The following CDHR5 variants were observed in gnomAD, a reference collection of about 807,000 sequenced individuals.
CDHR5 encodes cadherin-related family member 5.
CDHR5 carries 82 observed loss-of-function variants against 69.5 expected under a neutral mutation model. The ratio of observed to expected loss-of-function variants is 1.18; its 90% CI spans 0.99 to 1.42. The LOEUF is 1.42. CDHR5 is among the 40% of genes most tolerant of loss of function. The pLI, the probability that CDHR5 is intolerant of heterozygous loss-of-function variation, is 0.00. For missense variants in CDHR5, 1,293 were observed against 1,168.9 expected (o/e 1.11, Z -1.55); for synonymous variants, 601 against 510.2 (o/e 1.18, Z -2.40).
chr11:617,227 C>T lies in CDHR5; in HGVS notation c.*124G>A, dbSNP rs191491376. ...TGAGTGAATGGGACCCCCATGGACC[C>T]GCGCGCCTGCCCCACGCCATGGCCT... On this transcript the variant is annotated 3_prime_UTR_variant, in exon 15 of 15. Coordinates refer to ENST00000397542, the MANE Select transcript of CDHR5 (RefSeq NM_021924.5). The T allele has an allele frequency of 1.4e-4, 103 of 729,488 alleles. 1 individual carries two copies. In the South Asian group the frequency reaches 1.4e-3, roughly 10 times the overall value. 45.2% of individuals were successfully genotyped at this position (729,488 alleles called of 1,614,324 possible). A position where few individuals can be genotyped will look rare whatever the true frequency, so the allele number is the denominator to read the frequency against.
Position 624,360 on chromosome 11 carries a change from G to T in CDHR5, c.262-97C>A. ...CGCTGGCCCAGGGTCCCCATCATCA[G>T]TGGTCAGTGCTGAGGGTGTGGGCCC... On this transcript the variant is annotated intron_variant, in intron 2 of 14. Transcript: ENST00000397542. The surrounding 1 kb of genome is among the most constrained non-coding windows in gnomAD (Gnocchi z 5.3). 1.4e-6 allele frequency: 1 copy of T among 735,346 alleles called. No homozygotes were observed. Among genetic ancestry groups the T allele is most frequent in the Non-Finnish European group, 2.5e-6 (1 of 399,776 alleles). The allele number at this position is 735,346 out of a possible 1,614,324, so 45.6% of individuals were successfully genotyped here. A position where few individuals can be genotyped will look rare whatever the true frequency, so the allele number is the denominator to read the frequency against.
Position 619,126 on chromosome 11 carries a change from G to T in CDHR5, c.1433C>A (p.Thr478Asn), listed in dbSNP as rs1159215056. 3 of 1,593,398 alleles carry T rather than the reference G, an allele frequency of 1.9e-6. No individual in the cohort carries two copies. Among genetic ancestry groups the T allele is most frequent in the Non-Finnish European group, 2.6e-6 (3 of 1,171,882 alleles). The change falls in exon 13 of 15, where the codon ACT (threonine) becomes AAT (asparagine). Residue 478 changes from threonine to asparagine, a missense_variant. Transcript: ENST00000397542. ...CTCAGGGGGTCTGGGGACCTCGGAAGTGGTGCTGGTCCAGGGCCCAGTTGT... is the reference window on the plus strand; with the variant it reads ...CTCAGGGGGTCTGGGGACCTCGGAATTGGTGCTGGTCCAGGGCCCAGTTGT... ...GGTTGPWTST[T>N]SEVPRPPEPS...
rs1211399099 is a variant in CDHR5 at position 624,039 on chromosome 11, G to A, written c.312+174C>T. Reference sequence around the variant, plus strand: ...TGCTGGACAAGGGGTCAGTGACGGGGACTCCACAGCTCAGGGCAGAGTCTG... The same window carrying A: ...TGCTGGACAAGGGGTCAGTGACGGGAACTCCACAGCTCAGGGCAGAGTCTG... On this transcript the variant is annotated intron_variant, in intron 3 of 14. Transcript: ENST00000397542. The surrounding 1 kb of genome is among the most constrained non-coding windows in gnomAD (Gnocchi z 5.3). Among the ~76,000 whole-genome samples the A allele has an allele frequency of 1.3e-5, 2 of 152,102 alleles. No individual in the cohort carries two copies. Among genetic ancestry groups the A allele is most frequent in the Non-Finnish European group, 2.9e-5 (2 of 67,998 alleles).
At chr11:620,676 G>A (rs1857321218) in intron 7 of CDHR5, among the ~76,000 whole-genome samples, 1 of 152,164 alleles carries the variant, frequency 6.6e-6, no homozygotes, top group South Asian at 2.1e-4. Flanking sequence ...GGGGGCTCCC[G>A]GGGTCTGCAT....
At chr11:620,981 T>TGAACCC in intron 7 of CDHR5, 99 bp downstream of exon 7, 1 of 376,990 alleles carries the variant, frequency 2.7e-6, no homozygotes, top group Non-Finnish European at 5.0e-6. Context: ...CCCCACCCCC[T>TGAACCC]GACCCCGACC....
rs753305678 is a variant in CDHR5, at chr11:619,187, G to A, written c.1379-7C>T. 1 of 1,512,826 alleles carries A rather than the reference G, an allele frequency of 6.6e-7. No individual in the cohort carries two copies. 93.7% of individuals were successfully genotyped at this position (1,512,826 alleles called of 1,614,324 possible). A position where few individuals can be genotyped will look rare whatever the true frequency, so the allele number is the denominator to read the frequency against. ...TCTGGGGATGGGGGGACATCTGGGG[G>A]CCGGGAACAGTGCTTGGGCTTGCCT... On this transcript the variant is annotated splice_polypyrimidine_tract_variant and splice_region_variant and intron_variant, in intron 12 of 14. Coordinates refer to ENST00000397542, the MANE Select transcript of CDHR5 (RefSeq NM_021924.5).
chr11:620,456 C>T lies in CDHR5; in HGVS notation c.790-70G>A, dbSNP rs1857307143. 2.7e-6 allele frequency: 3 copies of T among 1,125,902 alleles called. No homozygotes were observed. The South Asian group carries it at 4.4e-5, about 17-fold the overall frequency. The allele number at this position is 1,125,902 out of a possible 1,614,324, so 69.7% of individuals were successfully genotyped here. On this transcript the variant is annotated intron_variant, in intron 7 of 14. Coordinates refer to ENST00000397542, the MANE Select transcript of CDHR5 (RefSeq NM_021924.5). ...GATGGCCCCAGCCTGGCCCCTCTGA[C>T]TCCCCATCAAGGGCAGGGTTGGCTG...
chr11:619,055 G>T lies in CDHR5; in HGVS notation c.1504C>A (p.Pro502Thr). Reference sequence around the variant, plus strand: ...AGAGTTGTGCCAGAGGGTGGATGAGGGCCTGTGCCTCCCCCAGAGCTGGTC... The same window carrying T: ...AGAGTTGTGCCAGAGGGTGGATGAGTGCCTGTGCCTCCCCCAGAGCTGGTC... Reference protein sequence around the residue: ...STTSSGGGTGPHPPSGTTLRP... With the variant: ...STTSSGGGTGTHPPSGTTLRP... The change falls in exon 13 of 15, where the codon CCT becomes ACT. Residue 502 changes from proline to threonine, a missense_variant. Coordinates refer to ENST00000397542, the MANE Select transcript of CDHR5 (RefSeq NM_021924.5). 6.2e-7 allele frequency: 1 copy of T among 1,613,130 alleles called. No individual in the cohort carries two copies. Among genetic ancestry groups the T allele is most frequent in the Non-Finnish European group, 8.5e-7 (1 of 1,179,794 alleles).
chr11:619,824 C>T lies in CDHR5; in HGVS notation c.1036G>A (p.Ala346Thr). The T allele has an allele frequency of 1.3e-6, 2 of 1,573,310 alleles. No homozygotes were observed. Among genetic ancestry groups the T allele is most frequent in the Non-Finnish European group, 1.7e-6 (2 of 1,163,592 alleles). The change falls in exon 10 of 15, where the codon GCT (alanine) becomes ACT (threonine). Residue 346 changes from alanine (A) to threonine (T), a missense_variant. Ala to Thr is a moderately conservative substitution (Grantham distance 58, BLOSUM62 0). Coordinates refer to ENST00000397542, the MANE Select transcript of CDHR5 (RefSeq NM_021924.5). ...AAGCGGGGCGGGCTCCCGGCCGCAG[C>T]CACAGCCTCCACGGTGACCTGGGTC... The part of the protein sequence containing the change: ...SVTQVTVEAV[A>T]AAGSPPRFPQ...
rs780034304 is a variant in CDHR5 at position 618,009 on chromosome 11, A to G, written c.2063T>C (p.Val688Ala). ...GGGGCCATAGTGCTTGTGGACAAGG[A>G]CGGCGAGGCCAAGGAGAGCCAGCAG... Reference protein sequence around the residue: ...LLLLALLGLAVLVHKHYGPRL... With the variant: ...LLLLALLGLAALVHKHYGPRL... Residue 688 changes from valine to alanine, a missense_variant, in exon 14 of 15, where the codon GTC (valine) becomes GCC (alanine). Transcript: ENST00000397542. The G allele has an allele frequency of 6.2e-7, 1 of 1,612,256 alleles. No homozygotes were observed. Among genetic ancestry groups the G allele is most frequent in the South Asian group, 1.1e-5 (1 of 90,968 alleles).
intron 3 of CDHR5, 103 bp from the exon 4 acceptor site, chr11:622,007 C>T (rs962581915): frequency 1.5e-5 from 13 of 845,044 alleles, no homozygotes; most frequent in South Asian, 4.8e-5. Flanking sequence ...CACCCCTCAA[C>T]GGCCACCTGT....
chr11:619,802 CG>C lies in CDHR5; in HGVS notation c.1057del (p.Arg353AlafsTer31), dbSNP rs749853412. On this transcript the variant is annotated frameshift_variant, in exon 10 of 15. Transcript: ENST00000397542. LOFTEE classifies it high-confidence loss of function. ...EAVAAAGSPPRFPQRLYRGTV... is the reference protein window; with the variant it reads ...EAVAAAGSPPXFPQRLYRGTV... ...GCCACGATACAGTCTCTGGGGGAAGCGGGGCGGGCTCCCGGCCGCAGCCACA... is the reference window on the plus strand; with the variant it reads ...GCCACGATACAGTCTCTGGGGGAAGCGGGCGGGCTCCCGGCCGCAGCCACA... The C allele has an allele frequency of 7.5e-6, 12 of 1,599,530 alleles. No individual in the cohort carries two copies. The South Asian group carries it at 1.2e-4, about 16-fold the overall frequency.
At chr11:622,513 A>T (rs1476589182) in intron 3 of CDHR5, among the ~76,000 whole-genome samples, 1 of 150,016 alleles carries the variant, frequency 6.7e-6, no homozygotes, top group South Asian at 2.1e-4. Flanking sequence ...AGGCTGGAGT[A>T]CAGTGGTGTG....
intron 7 of CDHR5, among the ~76,000 whole-genome samples, chr11:620,640 G>A (rs1857318440): frequency 6.6e-6 from 1 of 152,202 alleles, no homozygotes; most frequent in Non-Finnish European, 1.5e-5. Flanking sequence ...GGCTTGTCTT[G>A]ACGGGTAAGC....
chr11:618,919 G>T lies in CDHR5; in HGVS notation c.1640C>A (p.Thr547Asn). 6.2e-7 allele frequency: 1 copy of T among 1,609,088 alleles called. No individual in the cohort carries two copies. The highest frequency in any genetic ancestry group is 1.3e-5 in the African/African-American group (1 of 74,704). Residue 547 changes from threonine to asparagine, a missense_variant, in exon 13 of 15, where the codon ACC becomes AAC. Thr to Asn is a moderately conservative substitution (Grantham distance 65). Transcript: ENST00000397542. ...GDTAQTPKPGTSQPMPPGVGT... is the reference protein window; with the variant it reads ...GDTAQTPKPGNSQPMPPGVGT... The stretch of plus-strand genomic sequence containing the variant: ...CACACCGGGGGGCATCGGCTGAGAG[G>T]TTCCTGGCTTTGGGGTCTGTGCTGT...
In CDHR5 at chr11:621,490, CT is replaced by C. The variant is rs144293444; in HGVS notation, c.508-36del. The C allele has an allele frequency of 3.0e-3, 4,737 of 1,602,014 alleles. 127 individuals are homozygous for C. In the African/African-American group the frequency reaches 0.055, roughly 19 times the overall value. ...GTCAGGGAGGACAGAGCCTAAGAGC[CT>C]TGGAGGGCGAGGGCGGCTGTGGGTG... On this transcript the variant is annotated intron_variant, in intron 5 of 14. Coordinates refer to ENST00000397542, the MANE Select transcript of CDHR5 (RefSeq NM_021924.5). The surrounding 1 kb of genome is among the most constrained non-coding windows in gnomAD (Gnocchi z 4.4).
Position 619,685 on chromosome 11 carries a change from A to G in CDHR5, c.1175T>C (p.Phe392Ser), listed in dbSNP as rs1438301172. 4 of 1,613,160 alleles carry G rather than the reference A, an allele frequency of 2.5e-6. No individual in the cohort carries two copies. The highest frequency in any genetic ancestry group is 3.4e-6 in the Non-Finnish European group (4 of 1,179,944). Residue 392 changes from phenylalanine to serine, a missense_variant, in exon 10 of 15, where the codon TTC (phenylalanine) becomes TCC (serine). Transcript: ENST00000397542. ...PLRIQAQDPE[F>S]SDLNSAITYR... is the part of the protein sequence containing the mutation. ...GGCCTTGGATGCACTCTCTACCGAG[A>G]ACTCCGGGTCCTGAGCCTGGATCCT... is the stretch of plus-strand genomic sequence containing the variant.
intron 3 of CDHR5, among the ~76,000 whole-genome samples, chr11:622,555 G>A (rs1008379699): frequency 6.6e-6 from 1 of 151,866 alleles, no homozygotes; most frequent in African/African-American, 2.4e-5. Flanking sequence ...TGCCTCCCAG[G>A]TTCAAGCGAT....
Position 617,273 on chromosome 11 carries a change from T to TA in CDHR5, c.*77dup. 1 of 1,211,396 alleles carries TA rather than the reference T, an allele frequency of 8.3e-7. No homozygotes were observed. Among genetic ancestry groups the TA allele is most frequent in the Non-Finnish European group, 1.2e-6 (1 of 860,054 alleles). The allele number at this position is 1,211,396 out of a possible 1,614,324, so 75.0% of individuals were successfully genotyped here. On this transcript the variant is annotated 3_prime_UTR_variant, in exon 15 of 15. Transcript: ENST00000397542. ...GGCCTGGGTTTCGGGAGCCTTGCTT[T>TA]ATTCTGCCTCGGGTCGGAGGCTGGG... is the stretch of plus-strand genomic sequence containing the variant.
Sources: gnomAD v4.1 joint callset for allele counts (sites outside exome capture counted in the v4.1 genomes callset) on GRCh38, gnomAD v4.1.1 for gene constraint, Gnocchi (gnomAD v3.1) non-coding constraint, MANE v1.5 for transcripts, NCBI Gene and HGNC (gene_info 2026-07-23, HGNC 2026-07-21) for gene names.